Variants in PIEZO2 observed in about 807,000 individuals in gnomAD.
The protein encoded by PIEZO2 is piezo type mechanosensitive ion channel component 2, also known as piezo-type mechanosensitive ion channel component 2.
PIEZO2 carries 172 observed loss-of-function variants against 337.3 expected under a neutral mutation model. That is an observed-to-expected ratio of 0.51 (90% CI 0.45 to 0.58). The LOEUF (loss-of-function observed/expected upper bound fraction) is 0.58, where lower values mean the gene tolerates loss of function less well. Ranked by LOEUF, PIEZO2 falls within the 20% of genes least tolerant of loss-of-function variation. The pLI is 0.00. For synonymous variants in PIEZO2, 1,251 were observed against 1,228.5 expected (o/e 1.02, Z -0.38); for missense variants, 3,028 against 3,391.3 (o/e 0.89, Z 2.66).
At chr18:10,721,870 A>G (rs1341267252) in intron 36 of PIEZO2, among the ~76,000 whole-genome samples, 2 of 152,144 alleles carry the variant, frequency 1.3e-5, no homozygotes. Context: ...AAAATTTAAG[A>G]CGTAGCCAGG....
intron 44 of PIEZO2, among the ~76,000 whole-genome samples, chr18:10,698,516 T>C (rs1359006541): frequency 6.6e-6 from 1 of 152,232 alleles, no homozygotes; most frequent in Non-Finnish European, 1.5e-5. Flanking sequence ...GACTAGGAAA[T>C]AACCATAGTT....
intron 1 of PIEZO2, among the ~76,000 whole-genome samples, chr18:11,088,085 C>T (rs1165235469): frequency 6.6e-6 from 1 of 152,230 alleles, no homozygotes; most frequent in Non-Finnish European, 1.5e-5. Flanking sequence ...TTAGGCAGAC[C>T]TCAATGTATA....
rs573835407 is a variant in PIEZO2, at chr18:10,903,651, C to A, written c.329+7535G>T. On this transcript the variant is annotated intron_variant, in intron 4 of 55. Transcript: ENST00000674853. This position sits in a 1 kb window ranked among gnomAD's most constrained non-coding sequence, Gnocchi z 4.1. The stretch of plus-strand genomic sequence containing the variant: ...TCACACCACTGCACTCCAGCCTGGG[C>A]GACAGAGCAAGACTCCATCTCAAAA... Among the ~76,000 whole-genome samples, 2 of 151,796 alleles carry A rather than the reference C, an allele frequency of 1.3e-5. No homozygotes were observed. The highest frequency in any genetic ancestry group is 4.8e-5 in the African/African-American group (2 of 41,296).
rs1347142562 is a variant in PIEZO2 at position 11,027,692 on chromosome 18, A to G, written c.160+38435T>C. ...GTTCCATTTGGGGTTGTCTTTCACA[A>G]TTATGTTGTACAAATAAATGTAAAA... On this transcript the variant is annotated intron_variant, in intron 2 of 55. Coordinates refer to ENST00000674853, the MANE Select transcript of PIEZO2 (RefSeq NM_001378183.1). The surrounding 1 kb of genome is among the most constrained non-coding windows in gnomAD (Gnocchi z 4.2). Among the ~76,000 whole-genome samples the G allele has an allele frequency of 6.6e-6, 1 of 152,184 alleles. No homozygotes were observed. The highest frequency in any genetic ancestry group is 1.5e-5 in the Non-Finnish European group (1 of 68,034).
At chr18:10,907,653 T>A (rs1011043639) in intron 4 of PIEZO2, among the ~76,000 whole-genome samples, 2 of 151,930 alleles carry the variant, frequency 1.3e-5, no homozygotes, top group African/African-American at 4.8e-5. Context: ...GCTTGTTGGT[T>A]TCAAAGCCAC....
chr18:10,894,373 G>C lies in PIEZO2; in HGVS notation c.329+16813C>G, dbSNP rs1253028699. On this transcript the variant is annotated intron_variant, in intron 4 of 55. Transcript: ENST00000674853. This position sits in a 1 kb window ranked among gnomAD's most constrained non-coding sequence, Gnocchi z 4.1. ...GGAGGCTGAGGCAGGAAAATCGCTTGAATTCGGAAGGCGGAGCTGGCAGTG... is the reference window on the plus strand; with the variant it reads ...GGAGGCTGAGGCAGGAAAATCGCTTCAATTCGGAAGGCGGAGCTGGCAGTG... 2 of 152,228 alleles carry C rather than the reference G, an allele frequency of 1.3e-5. No homozygotes were observed. The highest frequency in any genetic ancestry group is 1.3e-4 in the Admixed American group (2 of 15,276). The allele number at this position is 152,228 out of a possible 1,614,324, so 9.4% of individuals were successfully genotyped here.
rs1196734329 is a variant in PIEZO2 at position 10,748,571 on chromosome 18, T to C, written c.4324A>G (p.Ile1442Val). The part of the protein sequence containing the change: ...SGEAGIIWDS[I>V]CFAFLLLQRR... ...TGCAGCAGGAGGAAGGCAAAACATA[T>C]GCTGTCCCAAATGATTCCTGCTTCC... Residue 1442 changes from isoleucine to valine, a missense_variant, in exon 30 of 56, where the codon ATA (isoleucine) becomes GTA (valine). Coordinates refer to ENST00000674853, the MANE Select transcript of PIEZO2 (RefSeq NM_001378183.1). The surrounding 1 kb of genome is among the most constrained non-coding windows in gnomAD (Gnocchi z 5.1). 14 of 1,535,160 alleles carry C rather than the reference T, an allele frequency of 9.1e-6. No individual in the cohort carries two copies. Among genetic ancestry groups the C allele is most frequent in the South Asian group, 1.2e-5 (1 of 83,772 alleles).
At chr18:10,809,716 C>T (rs1285083907) in intron 7 of PIEZO2, among the ~76,000 whole-genome samples, 2 of 152,264 alleles carry the variant, frequency 1.3e-5, no homozygotes, top group Non-Finnish European at 2.9e-5. Flanking sequence ...ATTTAATTTA[C>T]TCAATGTTTG....
chr18:11,029,227 T>C (rs1455399032), intron 2 of PIEZO2, among the ~76,000 whole-genome samples: 3 of 152,198 alleles, frequency 2.0e-5, no homozygotes, highest in Admixed American at 6.5e-5. Context: ...GCTCTGATTT[T>C]TCCTCCGTCA....
Position 10,691,365 on chromosome 18 carries a change from C to A in PIEZO2, c.7209G>T (p.Leu2403=), listed in dbSNP as rs755526929. The change falls in exon 48 of 56, where the codon CTG becomes CTT. Residue 2403 remains leucine, a synonymous_variant. Coordinates refer to ENST00000674853, the MANE Select transcript of PIEZO2 (RefSeq NM_001378183.1). ...GVTERKFSQN[L]VAQLWYFVKC... Reference sequence around the variant, plus strand: ...TCACAAAGTACCAAAGCTGGGCAACCAGGTTCTGGCTGAATTTCCTAAAAT... The same window carrying A: ...TCACAAAGTACCAAAGCTGGGCAACAAGGTTCTGGCTGAATTTCCTAAAAT... 6.2e-7 allele frequency: 1 copy of A among 1,611,806 alleles called. No homozygotes were observed. The highest frequency in any genetic ancestry group is 1.7e-5 in the Admixed American group (1 of 59,608).
chr18:10,881,508 C>T (rs1340207317), intron 4 of PIEZO2, among the ~76,000 whole-genome samples: 1 of 152,196 alleles, frequency 6.6e-6, no homozygotes, highest in Non-Finnish European at 1.5e-5. Context: ...CCTTTATGCA[C>T]TCTGCTCCTC....
rs184331856 is a variant in PIEZO2 at position 11,128,140 on chromosome 18, A to T, written c.64+20385T>A. ...CTAATACCTTTAACCATATGTGGAG[A>T]ACCAAGGAACGTAATAAAGCTGGTT... On this transcript the variant is annotated intron_variant, in intron 1 of 55. Coordinates refer to ENST00000674853, the MANE Select transcript of PIEZO2 (RefSeq NM_001378183.1). This position sits in a 1 kb window ranked among gnomAD's most constrained non-coding sequence, Gnocchi z 4.1. 1.4e-4 allele frequency among the ~76,000 whole-genome samples: 22 copies of T among 152,224 alleles called. No individual in the cohort carries two copies. Among genetic ancestry groups the T allele is most frequent in the African/African-American group, 5.3e-4 (22 of 41,516 alleles).
rs777037281 is a variant in PIEZO2 at position 11,097,165 on chromosome 18, T to A, written c.65-30943A>T. 2.6e-5 allele frequency among the ~76,000 whole-genome samples: 4 copies of A among 151,888 alleles called. No homozygotes were observed. The highest frequency in any genetic ancestry group is 5.9e-5 in the Non-Finnish European group (4 of 67,988). ...TGCAAACTACATCCCTCCGGCTAAA[T>A]CCCGCCCCACAAACTAAGAATGCTT... On this transcript the variant is annotated intron_variant, in intron 1 of 55. Transcript: ENST00000674853. The surrounding 1 kb of genome is among the most constrained non-coding windows in gnomAD (Gnocchi z 5.0).
chr18:11,132,276 C>T lies in PIEZO2; in HGVS notation c.64+16249G>A. ...TATTCCACACCGCATTGCCTCTGAC[C>T]AAGGCACTCACTTTATGGTGAAAGA... is the stretch of plus-strand genomic sequence containing the variant. On this transcript the variant is annotated intron_variant, in intron 1 of 55. Transcript: ENST00000674853. The surrounding 1 kb of genome is among the most constrained non-coding windows in gnomAD (Gnocchi z 4.7). Among the ~76,000 whole-genome samples the T allele has an allele frequency of 6.6e-6, 1 of 152,172 alleles. No homozygotes were observed. Among genetic ancestry groups the T allele is most frequent in the East Asian group, 1.9e-4 (1 of 5,194 alleles).
rs57910908 is a variant in PIEZO2, at chr18:10,861,975, G to A, written c.493-4764C>T. Among the ~76,000 whole-genome samples the A allele has an allele frequency of 0.021, 3,149 of 151,938 alleles. 108 individuals carry two copies. The highest frequency in any genetic ancestry group is 0.072 in the African/African-American group (2,964 of 41,424). On this transcript the variant is annotated intron_variant, in intron 5 of 55. Coordinates refer to ENST00000674853, the MANE Select transcript of PIEZO2 (RefSeq NM_001378183.1). This position sits in a 1 kb window ranked among gnomAD's most constrained non-coding sequence, Gnocchi z 4.3. ...AGAGGTCGCAGTGAGCCGAGATCACGCCACTGCACTCCAGCCTAGGTGACA... is the reference window on the plus strand; with the variant it reads ...AGAGGTCGCAGTGAGCCGAGATCACACCACTGCACTCCAGCCTAGGTGACA...
chr18:10,749,697 C>T (rs2037571913), intron 29 of PIEZO2, among the ~76,000 whole-genome samples: 1 of 152,112 alleles, frequency 6.6e-6, no homozygotes, highest in South Asian at 2.1e-4. Context: ...CTCTGAGCTT[C>T]CTGAGGACAG....
chr18:11,114,252 C>A (rs2039820623), intron 1 of PIEZO2, among the ~76,000 whole-genome samples: 1 of 152,316 alleles, frequency 6.6e-6, no homozygotes, highest in East Asian at 1.9e-4. Flanking sequence ...TCAGAAACCT[C>A]CTCTCAAATG....
In PIEZO2 at chr18:10,748,064, T is replaced by A. The variant is rs1171796032; in HGVS notation, c.4424+407A>T. Among the ~76,000 whole-genome samples, 1 of 151,930 alleles carries A rather than the reference T, an allele frequency of 6.6e-6. No homozygotes were observed. The highest frequency in any genetic ancestry group is 6.6e-5 in the Admixed American group (1 of 15,242). On this transcript the variant is annotated intron_variant, in intron 30 of 55. Transcript: ENST00000674853. The surrounding 1 kb of genome is among the most constrained non-coding windows in gnomAD (Gnocchi z 5.1). Reference sequence around the variant, plus strand: ...GCCTAGGGGAAAAAACAGGTAGTAATGCAAATTGTGTCAGTGGCTCAGAGA... The same window carrying A: ...GCCTAGGGGAAAAAACAGGTAGTAAAGCAAATTGTGTCAGTGGCTCAGAGA...
chr18:10,746,823 C>A lies in PIEZO2; in HGVS notation c.4424+1648G>T, dbSNP rs1259501636. ...AATCTGCTCGAACCTTGATGTTGGA[C>A]TTTCCAGCCTGTGGAACTGTAAGAA... On this transcript the variant is annotated intron_variant, in intron 30 of 55. Transcript: ENST00000674853. The surrounding 1 kb of genome is among the most constrained non-coding windows in gnomAD (Gnocchi z 4.2). Among the ~76,000 whole-genome samples the A allele has an allele frequency of 6.6e-6, 1 of 152,206 alleles. No individual in the cohort carries two copies. Among genetic ancestry groups the A allele is most frequent in the African/African-American group, 2.4e-5 (1 of 41,458 alleles).
Sources: allele counts gnomAD v4.1 joint callset (sites outside exome capture counted in the v4.1 genomes callset), GRCh38; gene constraint gnomAD v4.1.1; non-coding constraint Gnocchi (gnomAD v3.1); transcripts MANE v1.5; gene names NCBI Gene and HGNC (gene_info 2026-07-23, HGNC 2026-07-21).